Variants in ZC2HC1B observed in about 807,000 individuals in gnomAD.
The protein encoded by ZC2HC1B is zinc finger C2HC domain-containing protein 1B.
In ZC2HC1B, 36 loss-of-function variants were observed where a neutral mutation model predicts 31.0. The observed-to-expected ratio is 1.16, with a 90% CI of 0.89 to 1.54. The LOEUF is 1.54. ZC2HC1B is among the 40% of genes most tolerant of loss of function. ZC2HC1B has a pLI of 0.00. For synonymous variants in ZC2HC1B, 73 were observed against 88.0 expected (o/e 0.83, Z 0.95); for missense variants, 260 against 268.6 (o/e 0.97, Z 0.22).
intron 6 of ZC2HC1B, among the ~76,000 whole-genome samples, chr6:143,916,437 G>T (rs1198240503): frequency 6.6e-6 from 1 of 152,210 alleles, no homozygotes; most frequent in Non-Finnish European, 1.5e-5. Context: ...AGTCCCTACT[G>T]GGGCACCGTC....
In ZC2HC1B at chr6:143,886,650, T is replaced by C; in HGVS notation, c.211-33T>C. On this transcript the variant is annotated intron_variant, in intron 3 of 7. Transcript: ENST00000237275. The surrounding 1 kb of genome is among the most constrained non-coding windows in gnomAD (Gnocchi z 4.2). ...AATTGTAATGGAGAGGTATATAGTC[T>C]AGGGTATTATTTGTTGGTTTTATTT... 3 of 1,506,978 alleles carry C rather than the reference T, an allele frequency of 2.0e-6. No homozygotes were observed. Among genetic ancestry groups the C allele is most frequent in the Non-Finnish European group, 2.7e-6 (3 of 1,127,370 alleles). 93.4% of individuals were successfully genotyped at this position (1,506,978 alleles called of 1,614,324 possible). A position where few individuals can be genotyped will look rare whatever the true frequency, so the allele number is the denominator to read the frequency against.
chr6:143,936,153 C>T (rs909425840), intron 6 of ZC2HC1B, among the ~76,000 whole-genome samples: 1 of 152,142 alleles, frequency 6.6e-6, no homozygotes, highest in Non-Finnish European at 1.5e-5. Context: ...TACAAGTCAA[C>T]AGCCTTATTG....
At chr6:143,914,563 A>T (rs4896689) in intron 6 of ZC2HC1B, among the ~76,000 whole-genome samples, 151,682 of 152,320 alleles carry the variant, frequency 1, 75,523 homozygotes, top group East Asian at 1. Flanking sequence ...GAGTGTTCTG[A>T]ATAAGTCTGT....
At chr6:143,910,068 C>G (rs537543762) in intron 6 of ZC2HC1B, among the ~76,000 whole-genome samples, 2 of 152,294 alleles carry the variant, frequency 1.3e-5, no homozygotes, top group South Asian at 4.1e-4. Flanking sequence ...CCTCTTAACA[C>G]TGCTTTAGCT....
At chr6:143,880,702 A>G (rs1287211148) in intron 1 of ZC2HC1B, among the ~76,000 whole-genome samples, 1 of 152,132 alleles carries the variant, frequency 6.6e-6, no homozygotes, top group Admixed American at 6.5e-5. Context: ...AATAAATGCT[A>G]TGTATACAAA....
intron 4 of ZC2HC1B, among the ~76,000 whole-genome samples, chr6:143,893,088 T>C (rs920064012): frequency 2.0e-5 from 3 of 151,530 alleles, no homozygotes; most frequent in Admixed American, 2.0e-4. Context: ...ATCAAGAACA[T>C]GTAAAGAACT....
At position 143,875,181 on chromosome 6, in the gene ZC2HC1B, C is replaced by A. The variant is rs184302286; in HGVS notation, c.29-9123C>A. 2.5e-4 allele frequency among the ~76,000 whole-genome samples: 38 copies of A among 152,272 alleles called. No individual in the cohort carries two copies. In the East Asian group the frequency reaches 7.3e-3, roughly 29 times the overall value. ...TTTGTAGTTGAGTGACTGTGTATCCCACTGTTAGATGTGACATACAGAGAA... is the reference window on the plus strand; with the variant it reads ...TTTGTAGTTGAGTGACTGTGTATCCAACTGTTAGATGTGACATACAGAGAA... On this transcript the variant is annotated intron_variant, in intron 1 of 7. Transcript: ENST00000237275.
At chr6:143,935,545 TA>T (rs1778166219) in intron 6 of ZC2HC1B, among the ~76,000 whole-genome samples, 1 of 151,282 alleles carries the variant, frequency 6.6e-6, no homozygotes. Context: ...CAATGCTATA[TA>T]AAAATAAAGG....
rs889054445 is a variant in ZC2HC1B, at chr6:143,922,393, A to G, written c.599-15256A>G. On this transcript the variant is annotated intron_variant, in intron 6 of 7. Transcript: ENST00000237275. The surrounding 1 kb of genome is among the most constrained non-coding windows in gnomAD (Gnocchi z 5.0). Reference sequence around the variant, plus strand: ...TATTGTTGTTAACTGCAGTCACCCTACTGTGCTATCAAACACTAGAACTTA... The same window carrying G: ...TATTGTTGTTAACTGCAGTCACCCTGCTGTGCTATCAAACACTAGAACTTA... Among the ~76,000 whole-genome samples the G allele has an allele frequency of 3.3e-5, 5 of 152,170 alleles. No homozygotes were observed.
rs1272349148 is a variant in ZC2HC1B at position 143,905,711 on chromosome 6, T to C, written c.598+2559T>C. Among the ~76,000 whole-genome samples the C allele has an allele frequency of 6.6e-6, 1 of 152,236 alleles. No homozygotes were observed. Among genetic ancestry groups the C allele is most frequent in the Non-Finnish European group, 1.5e-5 (1 of 68,046 alleles). The stretch of plus-strand genomic sequence containing the variant: ...TGGGTTTTACATGTATGGTTTTTAT[T>C]ATGTTGAGGTAGTTTCCTTCTATTC... On this transcript the variant is annotated intron_variant, in intron 6 of 7. Coordinates refer to ENST00000237275, the MANE Select transcript of ZC2HC1B (RefSeq NM_001013623.3). This position sits in a 1 kb window ranked among gnomAD's most constrained non-coding sequence, Gnocchi z 4.2.
Position 143,884,313 on chromosome 6 carries a change from A to G in ZC2HC1B, c.38A>G (p.Gln13Arg). Residue 13 changes from glutamine (Q) to arginine (R), a missense_variant, in exon 2 of 8, where the codon CAG becomes CGG. Physicochemically the swap from Gln to Arg is conservative, Grantham distance 43 (BLOSUM62 1). Coordinates refer to ENST00000237275, the MANE Select transcript of ZC2HC1B (RefSeq NM_001013623.3). This position sits in a 1 kb window ranked among gnomAD's most constrained non-coding sequence, Gnocchi z 5.1. ...CTTGAATTTTACACAGATGGCAATC[A>G]GGAATTGTTTCCCTGTGAAGTCTGT... is the stretch of plus-strand genomic sequence containing the variant. Reference protein sequence around the residue: ...GAEPFLADGNQELFPCEVCGR... With the variant: ...GAEPFLADGNRELFPCEVCGR... 2 of 1,532,218 alleles carry G rather than the reference A, an allele frequency of 1.3e-6. No individual in the cohort carries two copies. The highest frequency in any genetic ancestry group is 1.8e-6 in the Non-Finnish European group (2 of 1,132,426). The allele number at this position is 1,532,218 out of a possible 1,614,324, so 94.9% of individuals were successfully genotyped here.
chr6:143,867,334 G>T (rs1777276874), intron 1 of ZC2HC1B, among the ~76,000 whole-genome samples: 1 of 152,192 alleles, frequency 6.6e-6, no homozygotes. Context: ...TTTGAGGTCA[G>T]TGTTTGCTAC....
At position 143,885,979 on chromosome 6, in the gene ZC2HC1B, TA is replaced by T; in HGVS notation, c.91-48del. ...GGGCTGTCTAGGTACACCTAGGCATTAAAAACTGATTGTGCACTTTAGAAAT... is the reference window on the plus strand; with the variant it reads ...GGGCTGTCTAGGTACACCTAGGCATTAAAACTGATTGTGCACTTTAGAAAT... On this transcript the variant is annotated intron_variant, in intron 2 of 7. Transcript: ENST00000237275. This position sits in a 1 kb window ranked among gnomAD's most constrained non-coding sequence, Gnocchi z 4.2. The T allele has an allele frequency of 6.8e-7, 1 of 1,467,452 alleles. No homozygotes were observed. The highest frequency in any genetic ancestry group is 1.4e-5 in the African/African-American group (1 of 70,018). 90.9% of individuals were successfully genotyped at this position (1,467,452 alleles called of 1,614,324 possible). A position where few individuals can be genotyped will look rare whatever the true frequency, so the allele number is the denominator to read the frequency against.
intron 4 of ZC2HC1B, among the ~76,000 whole-genome samples, chr6:143,890,424 C>G (rs1391115365): frequency 6.8e-6 from 1 of 147,342 alleles, no homozygotes; most frequent in Admixed American, 6.8e-5. Flanking sequence ...AACTTCTCAG[C>G]AAGATAGAAT....
In ZC2HC1B at chr6:143,887,433, C is replaced by T. The variant is rs1284069057; in HGVS notation, c.349+612C>T. 6.6e-6 allele frequency among the ~76,000 whole-genome samples: 1 copy of T among 152,122 alleles called. No homozygotes were observed. The highest frequency in any genetic ancestry group is 1.5e-5 in the Non-Finnish European group (1 of 68,016). ...ATACTTTAGCTATTTTAGTATGCGTCTCTTAAGTATGAGTTCCTTTTCCTG... is the reference window on the plus strand; with the variant it reads ...ATACTTTAGCTATTTTAGTATGCGTTTCTTAAGTATGAGTTCCTTTTCCTG... On this transcript the variant is annotated intron_variant, in intron 4 of 7. Coordinates refer to ENST00000237275, the MANE Select transcript of ZC2HC1B (RefSeq NM_001013623.3). The surrounding 1 kb of genome is among the most constrained non-coding windows in gnomAD (Gnocchi z 5.1).
intron 6 of ZC2HC1B, among the ~76,000 whole-genome samples, chr6:143,935,990 A>T (rs148921551): frequency 1.3e-5 from 2 of 152,124 alleles, no homozygotes; most frequent in African/African-American, 4.8e-5. Flanking sequence ...CATATATTAT[A>T]AATCTAGTTG....
intron 1 of ZC2HC1B, among the ~76,000 whole-genome samples, chr6:143,879,579 G>C (rs1240198838): frequency 6.6e-6 from 1 of 152,082 alleles, no homozygotes; most frequent in African/African-American, 2.4e-5. Context: ...GAAGAGTTCT[G>C]TGATTTGCAG....
intron 4 of ZC2HC1B, among the ~76,000 whole-genome samples, chr6:143,892,463 T>G (rs1186286017): frequency 6.6e-6 from 1 of 152,018 alleles, no homozygotes; most frequent in African/African-American, 2.4e-5. Context: ...GCCTGGCTAA[T>G]TTTTTTGTAT....
At chr6:143,894,121 C>T (rs758519022) in intron 4 of ZC2HC1B, among the ~76,000 whole-genome samples, 2 of 152,060 alleles carry the variant, frequency 1.3e-5, no homozygotes, top group African/African-American at 2.4e-5. Flanking sequence ...ATTCATATAG[C>T]GTAAACTGGA....
Sources: gnomAD v4.1 joint callset for allele counts (sites outside exome capture counted in the v4.1 genomes callset) on GRCh38, gnomAD v4.1.1 for gene constraint, Gnocchi (gnomAD v3.1) non-coding constraint, MANE v1.5 for transcripts, NCBI Gene and HGNC (gene_info 2026-07-23, HGNC 2026-07-21) for gene names.